The following ADCY7 variants were observed in gnomAD, a reference collection of about 807,000 sequenced individuals.
ADCY7 encodes adenylate cyclase 7.
In ADCY7, 72 loss-of-function variants were observed where a neutral mutation model predicts 120.6. The ratio of observed to expected loss-of-function variants is 0.60; its 90% CI spans 0.49 to 0.73. ADCY7 has a LOEUF of 0.73. ADCY7 is among the 30% of genes least tolerant of loss of function. The probability of loss-of-function intolerance (pLI) is 0.00; values close to 1 mark genes in which losing one functional copy is unlikely to be tolerated. For synonymous variants in ADCY7, 661 were observed against 628.0 expected (o/e 1.05, Z -0.78); for missense variants, 1,227 against 1,486.0 (o/e 0.83, Z 2.87).
chr16:50,254,162 C>T (rs1196801556), intron 1 of ADCY7, among the ~76,000 whole-genome samples: 1 of 152,184 alleles, frequency 6.6e-6, no homozygotes, highest in Non-Finnish European at 1.5e-5. Flanking sequence ...AGAGTGCTTT[C>T]AGTGACAAGG....
intron 1 of ADCY7, among the ~76,000 whole-genome samples, chr16:50,275,873 G>A (rs2033854535): frequency 6.6e-6 from 1 of 152,188 alleles, no homozygotes; most frequent in African/African-American, 2.4e-5. Context: ...GGCTAGAAAT[G>A]GAGCGAGAGC....
chr16:50,264,501 C>T (rs767584806), upstream of ADCY7, among the ~76,000 whole-genome samples: 1 of 152,192 alleles, frequency 6.6e-6, no homozygotes, highest in Non-Finnish European at 1.5e-5. Flanking sequence ...ATTGCTGAGT[C>T]ATTGGGGAAG....
intron 1 of ADCY7, among the ~76,000 whole-genome samples, chr16:50,250,204 C>T (rs549881046): frequency 6.6e-6 from 1 of 152,286 alleles, no homozygotes; most frequent in East Asian, 1.9e-4. Context: ...GCCTGTAATT[C>T]CAGCACACTG....
At chr16:50,294,344 G>T (rs1214507982) in intron 6 of ADCY7, among the ~76,000 whole-genome samples, 4 of 152,204 alleles carry the variant, frequency 2.6e-5, no homozygotes, top group African/African-American at 9.7e-5. Context: ...GAAGGCTCCG[G>T]GCTGCCTGCA....
intron 1 of ADCY7, among the ~76,000 whole-genome samples, chr16:50,278,467 A>G (rs2034042438): frequency 6.6e-6 from 1 of 152,142 alleles, no homozygotes. Flanking sequence ...CATATGAAGG[A>G]GATTAGCTCC....
intron 1 of ADCY7, among the ~76,000 whole-genome samples, chr16:50,252,950 T>C (rs1470348776): frequency 6.6e-6 from 1 of 152,212 alleles, no homozygotes; most frequent in Non-Finnish European, 1.5e-5. Context: ...TTTCAACATA[T>C]TACAAGAAAA....
intron 1 of ADCY7, among the ~76,000 whole-genome samples, chr16:50,256,695 C>A (rs4594254): frequency 0.99 from 148,462 of 150,678 alleles, 73,173 homozygotes; most frequent in East Asian, 1. Flanking sequence ...ACCCTGTCTC[C>A]AAAAAAAAAG....
rs74517084 is a variant in ADCY7 at position 50,298,960 on chromosome 16, C to A, written c.1005C>A (p.Gly335=). ...GCGACTGCTACTACTGTGTATCGGG[C>A]CTGCCCGTGTCGCTGCCTACCCACG... is the stretch of plus-strand genomic sequence containing the variant. ...ILGDCYYCVS[G]LPVSLPTHAR... is the part of the protein sequence containing the mutation. The change falls in exon 8 of 26, where the codon GGC becomes GGA. Residue 335 remains glycine, a synonymous_variant. Coordinates refer to ENST00000673801, the MANE Select transcript of ADCY7 (RefSeq NM_001114.5). 2.5e-6 allele frequency: 4 copies of A among 1,613,748 alleles called. No homozygotes were observed. The Admixed American group carries it at 6.7e-5, about 27-fold the overall frequency.
chr16:50,305,929 G>A, intron 14 of ADCY7, 80 bp downstream of exon 14: 1 of 1,415,374 alleles, frequency 7.1e-7, no homozygotes, highest in Non-Finnish European at 1.0e-6. Context: ...AGGTCATGGG[G>A]CAGCCTGCGT....
At chr16:50,294,366 C>A (rs148497431) in intron 6 of ADCY7, among the ~76,000 whole-genome samples, 2 of 152,190 alleles carry the variant, frequency 1.3e-5, no homozygotes, top group African/African-American at 2.4e-5. Flanking sequence ...GAGTGCCCTT[C>A]GGCTGTCTGC....
intron 1 of ADCY7, chr16:50,246,295 C>T (rs1056584511): frequency 6.6e-6 from 1 of 151,402 alleles, no homozygotes; most frequent in Admixed American, 6.6e-5. Context: ...TCCGCGCGGT[C>T]CCCACACAGG....
Position 50,310,828 on chromosome 16 carries a change from G to A in ADCY7, c.2302G>A (p.Asp768Asn), listed in dbSNP as rs2036409192. The A allele has an allele frequency of 6.2e-7, 1 of 1,613,610 alleles. No individual in the cohort carries two copies. Among genetic ancestry groups the A allele is most frequent in the East Asian group, 2.2e-5 (1 of 44,864 alleles). ...CAACCTCTCCCCATGCTGGCAGTGGGACTGCTGCGGCCAAGGCCTGGGCAA... is the reference window on the plus strand; with the variant it reads ...CAACCTCTCCCCATGCTGGCAGTGGAACTGCTGCGGCCAAGGCCTGGGCAA... The part of the protein sequence containing the change: ...LFNLSPCWQW[D>N]CCGQGLGNLT... Residue 768 changes from aspartate to asparagine, a missense_variant, in exon 19 of 26, where the codon GAC becomes AAC. Physicochemically the swap from Asp to Asn is conservative, Grantham distance 23. This residue lies in a region of ADCY7 where 267 missense variants were observed against 270.0 expected (regional missense o/e 0.99). Transcript: ENST00000673801.
intron 1 of ADCY7, among the ~76,000 whole-genome samples, chr16:50,287,680 G>GA (rs11417859): frequency 0.49 from 63,137 of 128,046 alleles, 15,127 homozygotes; most frequent in East Asian, 0.82. Context: ...GCCCTGTCTT[G>GA]AAAAAAAAAA....
intron 1 of ADCY7, among the ~76,000 whole-genome samples, chr16:50,276,139 C>G (rs1302393640): frequency 6.6e-6 from 1 of 152,264 alleles, no homozygotes; most frequent in Non-Finnish European, 1.5e-5. Context: ...CCACCTCCCT[C>G]TGACCTGGGT....
At position 50,290,656 on chromosome 16, in the gene ADCY7, A is replaced by G; in HGVS notation, c.371A>G (p.Glu124Gly). ...DAWTKAACAW[E>G]QVPFFLFIVF... ...TGGACAAAGGCGGCCTGTGCGTGGG[A>G]GCAGGTAACAGGAACTCTGGACTCC... Residue 124 changes from glutamate to glycine, a missense_variant, in exon 3 of 26, where the codon GAG (glutamate) becomes GGG (glycine). Glu to Gly is a moderately conservative substitution (Grantham distance 98). This residue lies in a region of ADCY7 where 382 missense variants were observed against 411.4 expected (regional missense o/e 0.93). Coordinates refer to ENST00000673801, the MANE Select transcript of ADCY7 (RefSeq NM_001114.5). 1 of 1,612,278 alleles carries G rather than the reference A, an allele frequency of 6.2e-7. No individual in the cohort carries two copies. The highest frequency in any genetic ancestry group is 8.5e-7 in the Non-Finnish European group (1 of 1,178,836).
Position 50,300,851 on chromosome 16 carries a change from A to T in ADCY7, c.1213A>T (p.Met405Leu), listed in dbSNP as rs1274542083. 7 of 1,557,836 alleles carry T rather than the reference A, an allele frequency of 4.5e-6. No individual in the cohort carries two copies. Among genetic ancestry groups the T allele is most frequent in the Admixed American group, 1.9e-5 (1 of 51,754 alleles). Residue 405 changes from methionine (M) to leucine (L), a missense_variant, in exon 9 of 26, where the codon ATG (methionine) becomes TTG (leucine). By Grantham distance (15) the Met-to-Leu change is conservative. Transcript: ENST00000673801. ...CCACGACGTGTCCCTGGCCAACCGG[A>T]TGGAGGCAGCCGGAGTACCCGGGTG... ...WSHDVSLANR[M>L]EAAGVPGRVH...
intron 1 of ADCY7, among the ~76,000 whole-genome samples, chr16:50,252,440 T>A (rs5016069): frequency 6.6e-6 from 1 of 150,906 alleles, no homozygotes; most frequent in Non-Finnish European, 1.5e-5. Flanking sequence ...AGCCACTGGG[T>A]AGGCATTGTT....
intron 1 of ADCY7, among the ~76,000 whole-genome samples, chr16:50,276,045 C>A (rs1489961593): frequency 6.6e-6 from 1 of 152,204 alleles, no homozygotes; most frequent in Non-Finnish European, 1.5e-5. Flanking sequence ...CGTCTCCTGC[C>A]AGCAAGCCTG....
chr16:50,311,969 G>C, intron 20 of ADCY7, 67 bp from the exon 21 acceptor site: 1 of 1,598,340 alleles, frequency 6.3e-7, no homozygotes, highest in Non-Finnish European at 8.6e-7. Context: ...GACCTGGCTA[G>C]GAGATGCACA....
Sources: allele counts gnomAD v4.1 joint callset (sites outside exome capture counted in the v4.1 genomes callset), GRCh38; gene constraint gnomAD v4.1.1; regional missense constraint gnomAD v4.1.1; transcripts MANE v1.5; gene names NCBI Gene and HGNC (gene_info 2026-07-23, HGNC 2026-07-21).